The following ABHD2 variants were observed in gnomAD, a reference collection of about 807,000 sequenced individuals.
ABHD2 encodes abhydrolase domain containing 2, acylglycerol lipase.
Under a neutral mutation model 48.1 loss-of-function variants are expected in ABHD2, and 20 were observed. The ratio of observed to expected loss-of-function variants is 0.42; its 90% CI spans 0.29 to 0.60. ABHD2 has a LOEUF of 0.60. ABHD2 is among the 20% of genes least tolerant of loss of function. ABHD2 has a pLI of 0.24. For missense variants in ABHD2, 405 were observed against 550.9 expected (o/e 0.74, Z 2.65); for synonymous variants, 209 against 214.2 (o/e 0.98, Z 0.21).
chr15:89,143,876 A>G (rs997203973), intron 3 of ABHD2, among the ~76,000 whole-genome samples: 6 of 152,072 alleles, frequency 3.9e-5, no homozygotes, highest in African/African-American at 1.2e-4. Flanking sequence ...TCAATGGACA[A>G]CAGCAACTGT....
At chr15:89,107,634 G>T (rs2049807739) in intron 1 of ABHD2, among the ~76,000 whole-genome samples, 1 of 152,196 alleles carries the variant, frequency 6.6e-6, no homozygotes, top group African/African-American at 2.4e-5. Flanking sequence ...TACAGATGGT[G>T]TTCAGAGGGA....
chr15:89,097,793 T>C lies in ABHD2; in HGVS notation c.-107+9230T>C, dbSNP rs757695295. 2.0e-5 allele frequency among the ~76,000 whole-genome samples: 3 copies of C among 152,236 alleles called. No individual in the cohort carries two copies. The highest frequency in any genetic ancestry group is 4.4e-5 in the Non-Finnish European group (3 of 68,034). On this transcript the variant is annotated intron_variant, in intron 1 of 10. Transcript: ENST00000352732. The surrounding 1 kb of genome is among the most constrained non-coding windows in gnomAD (Gnocchi z 4.2). Reference sequence around the variant, plus strand: ...CCCAGCAAATGTGTATGCATCTATATTCTTTTTCTTTCTTTTTTATATAAC... The same window carrying C: ...CCCAGCAAATGTGTATGCATCTATACTCTTTTTCTTTCTTTTTTATATAAC...
the ABHD2 span, among the ~76,000 whole-genome samples, chr15:89,048,788 T>C: frequency 6.6e-6 from 1 of 152,072 alleles, no homozygotes; most frequent in Non-Finnish European, 1.5e-5. Context: ...TTATTCTAGT[T>C]ATACATTCTT....
At chr15:89,054,191 A>G in the ABHD2 span, among the ~76,000 whole-genome samples, 134,180 of 151,538 alleles carry the variant, frequency 0.89, 59,467 homozygotes, top group South Asian at 0.96. Context: ...GCATGGTGAC[A>G]CACGCCTGTA....
chr15:89,152,843 T>C (rs535279380), intron 4 of ABHD2, among the ~76,000 whole-genome samples: 52 of 152,328 alleles, frequency 3.4e-4, no homozygotes, highest in African/African-American at 1.2e-3. Context: ...ATGAAGACTT[T>C]TGAGGAAGTG....
chr15:89,193,178 G>A lies in ABHD2; in HGVS notation c.997-57G>A, dbSNP rs1596167876. On this transcript the variant is annotated intron_variant, in intron 9 of 10. Coordinates refer to ENST00000352732, the MANE Select transcript of ABHD2 (RefSeq NM_152924.5). ...CAGCAGTGAGTTTGAGCCTTGAATC[G>A]ATGGGGTCTGAAAATGGGAATCAGT... 20 of 1,535,812 alleles carry A rather than the reference G, an allele frequency of 1.3e-5. 1 individual carries two copies. Among genetic ancestry groups the A allele is most frequent in the African/African-American group, 1.2e-4 (9 of 73,374 alleles).
the ABHD2 span, among the ~76,000 whole-genome samples, chr15:89,074,743 C>G: frequency 1.3e-4 from 20 of 152,186 alleles, no homozygotes; most frequent in Non-Finnish European, 2.5e-4. Context: ...AGAAAAGAAC[C>G]TAGCTTGCTT....
intron 3 of ABHD2, among the ~76,000 whole-genome samples, chr15:89,127,722 C>T (rs60837649): frequency 0.058 from 7,552 of 131,244 alleles, 970 homozygotes; most frequent in African/African-American, 0.22. Flanking sequence ...TATATATACA[C>T]ATATATATAT....
At chr15:89,172,738 T>A (rs960508368) in intron 5 of ABHD2, among the ~76,000 whole-genome samples, 12 of 152,218 alleles carry the variant, frequency 7.9e-5, no homozygotes, top group African/African-American at 2.9e-4. Context: ...TTTACTCTTG[T>A]TACTTCCATT....
intron 1 of ABHD2, among the ~76,000 whole-genome samples, chr15:89,095,224 G>A (rs2049594686): frequency 6.6e-6 from 1 of 152,146 alleles, no homozygotes; most frequent in Non-Finnish European, 1.5e-5. Flanking sequence ...TAAAGTCGAG[G>A]ATTCTACTCA....
the ABHD2 span, among the ~76,000 whole-genome samples, chr15:89,055,594 C>A: frequency 1.3e-5 from 2 of 152,126 alleles, no homozygotes; most frequent in African/African-American, 4.8e-5. Flanking sequence ...CTCGGCCTCC[C>A]AAAGTGCTGG....
At chr15:89,152,115 G>A (rs1035148099) in intron 4 of ABHD2, among the ~76,000 whole-genome samples, 7 of 149,226 alleles carry the variant, frequency 4.7e-5, no homozygotes, top group East Asian at 2.0e-4. Context: ...TCGCTGTGTC[G>A]CCCAGGCTGG....
chr15:89,056,470 G>A, the ABHD2 span, among the ~76,000 whole-genome samples: 5 of 151,804 alleles, frequency 3.3e-5, no homozygotes, highest in Admixed American at 6.6e-5. Flanking sequence ...GTGAAACCCC[G>A]TCTCTACTAA....
At position 89,193,920 on chromosome 15, in the gene ABHD2, CAAAAAAA is replaced by C. The variant is rs60255237; in HGVS notation, c.1081+613_1081+619del. On this transcript the variant is annotated intron_variant, in intron 10 of 10. Coordinates refer to ENST00000352732, the MANE Select transcript of ABHD2 (RefSeq NM_152924.5). ...TGGGTGACAGAGTGAGACTCCGTCT[CAAAAAAA>C]AAAAAAAAAAAGAATTAGCTGGGCA... is the stretch of plus-strand genomic sequence containing the variant. Among the ~76,000 whole-genome samples, 18 of 103,362 alleles carry C rather than the reference CAAAAAAA, an allele frequency of 1.7e-4. No individual in the cohort carries two copies. The South Asian group carries it at 5.7e-3, about 33-fold the overall frequency. 67.8% of individuals were successfully genotyped at this position (103,362 alleles called of 152,430 possible). A position where few individuals can be genotyped will look rare whatever the true frequency, so the allele number is the denominator to read the frequency against.
the ABHD2 span, among the ~76,000 whole-genome samples, chr15:89,060,598 A>G: frequency 6.6e-6 from 1 of 152,144 alleles, no homozygotes; most frequent in East Asian, 1.9e-4. Flanking sequence ...ACCGTGATAT[A>G]CACAGAAGCC....
At chr15:89,127,737 A>ATATATG (rs1364955984) in intron 3 of ABHD2, among the ~76,000 whole-genome samples, 28 of 141,806 alleles carry the variant, frequency 2.0e-4, no homozygotes, top group Non-Finnish European at 3.7e-4. Flanking sequence ...ATATATATAT[A>ATATATG]TATGTATATT....
chr15:89,050,663 G>A, the ABHD2 span, among the ~76,000 whole-genome samples: 17 of 152,302 alleles, frequency 1.1e-4, no homozygotes, highest in African/African-American at 4.1e-4. Context: ...GGGATGGGAG[G>A]TGGAGAGGAG....
intron 5 of ABHD2, among the ~76,000 whole-genome samples, chr15:89,162,737 C>T (rs1344761250): frequency 6.6e-6 from 1 of 152,138 alleles, no homozygotes; most frequent in African/African-American, 2.4e-5. Flanking sequence ...TTACTTTCTT[C>T]AAGCCACTTA....
At chr15:89,145,192 G>T (rs182134121) in intron 3 of ABHD2, among the ~76,000 whole-genome samples, 1 of 152,326 alleles carries the variant, frequency 6.6e-6, no homozygotes, top group Admixed American at 6.5e-5. Flanking sequence ...GGAGGTGAAG[G>T]TTGCAGTGAG....
Sources: allele counts gnomAD v4.1 joint callset (sites outside exome capture counted in the v4.1 genomes callset), GRCh38; gene constraint gnomAD v4.1.1; non-coding constraint Gnocchi (gnomAD v3.1); transcripts MANE v1.5; gene names NCBI Gene and HGNC (gene_info 2026-07-23, HGNC 2026-07-21).